Variants in USP48 observed in about 807,000 individuals in gnomAD.
The protein encoded by USP48 is ubiquitin carboxyl-terminal hydrolase 48.
A neutral mutation model predicts 150.7 loss-of-function variants in USP48; 43 were observed. That is an observed-to-expected ratio of 0.29 (90% CI 0.22 to 0.37). The LOEUF (loss-of-function observed/expected upper bound fraction) is 0.37, where lower values mean the gene tolerates loss of function less well. USP48 is among the 10% of genes least tolerant of loss of function. USP48 has a pLI of 1.00. For missense variants in USP48, 813 were observed against 1,249.6 expected (o/e 0.65, Z 5.27); for synonymous variants, 396 against 425.9 (o/e 0.93, Z 0.86).
At chr1:21,684,848 G>A (rs1211247762) in intron 25 of USP48, among the ~76,000 whole-genome samples, 1 of 152,036 alleles carries the variant, frequency 6.6e-6, no homozygotes, top group Admixed American at 6.6e-5. Flanking sequence ...TAAATTAGTT[G>A]GCTGTAAATA....
intron 15 of USP48, among the ~76,000 whole-genome samples, chr1:21,712,716 C>T (rs1339107025): frequency 5.9e-5 from 9 of 151,404 alleles, no homozygotes; most frequent in Admixed American, 4.0e-4. Context: ...GCAACCTCCG[C>T]CTCCTGGGTT....
intron 20 of USP48, 37 bp downstream of exon 20, chr1:21,704,225 C>A (rs200215314): frequency 1.9e-6 from 3 of 1,595,922 alleles, no homozygotes; most frequent in Non-Finnish European, 2.6e-6. Flanking sequence ...AATGTCAGCT[C>A]TTAACTATAG....
Position 21,752,980 on chromosome 1 carries a change from T to A in USP48, c.540+12A>T. On this transcript the variant is annotated intron_variant, in intron 4 of 26. Transcript: ENST00000308271. ...CTGAATATTTAAAAAAAAAAAAAAA[T>A]TCAGTTCTTACCTGCTGTTGTCCAG... The A allele has an allele frequency of 1.3e-6, 2 of 1,569,972 alleles. No individual in the cohort carries two copies. Among genetic ancestry groups the A allele is most frequent in the Admixed American group, 2.1e-5 (1 of 47,180 alleles).
chr1:21,690,830 A>C (rs1473229748), intron 23 of USP48, among the ~76,000 whole-genome samples: 3 of 152,154 alleles, frequency 2.0e-5, no homozygotes, highest in South Asian at 4.1e-4. Context: ...CATCTGGCCC[A>C]AAATTCTTTC....
In USP48 at chr1:21,701,180, C is replaced by A. The variant is rs113470313; in HGVS notation, c.2727+318G>T. Among the ~76,000 whole-genome samples, 807 of 150,592 alleles carry A rather than the reference C, an allele frequency of 5.4e-3. 6 individuals carry two copies. The highest frequency in any genetic ancestry group is 0.019 in the African/African-American group (774 of 40,978). Reference sequence around the variant, plus strand: ...AGGAGTTCGAGACCAGCCTGGCCAACACAGTGAAACCCCGTCTCTACTAAA... The same window carrying A: ...AGGAGTTCGAGACCAGCCTGGCCAAAACAGTGAAACCCCGTCTCTACTAAA... On this transcript the variant is annotated intron_variant, in intron 22 of 26. Coordinates refer to ENST00000308271, the MANE Select transcript of USP48 (RefSeq NM_032236.8).
At chr1:21,704,202 C>A in intron 20 of USP48, 60 bp downstream of exon 20, 1 of 1,569,806 alleles carries the variant, frequency 6.4e-7, no homozygotes. Flanking sequence ...ACTGACACAC[C>A]CTTTCTTCTT....
intron 25 of USP48, chr1:21,681,095 C>T (rs1404786687): frequency 2.6e-5 from 9 of 350,478 alleles, no homozygotes; most frequent in South Asian, 1.6e-4. Context: ...ACCTAGTGCA[C>T]GACTCTAGGA....
At chr1:21,699,970 G>A (rs550770950) in intron 22 of USP48, among the ~76,000 whole-genome samples, 64 of 149,216 alleles carry the variant, frequency 4.3e-4, no homozygotes, top group African/African-American at 1.5e-3. Context: ...GGTAAAGGGC[G>A]GCAGCAAAGT....
chr1:21,719,434 A>T (rs192179505), intron 14 of USP48, among the ~76,000 whole-genome samples: 29 of 152,160 alleles, frequency 1.9e-4, no homozygotes, highest in African/African-American at 6.5e-4. Flanking sequence ...ATCAATACCA[A>T]ATAAAATAAA....
At chr1:21,754,228 G>A (rs1440208702) in intron 3 of USP48, among the ~76,000 whole-genome samples, 1 of 152,018 alleles carries the variant, frequency 6.6e-6, no homozygotes, top group Non-Finnish European at 1.5e-5. Context: ...AGCCAGGACT[G>A]TCCATATACA....
At chr1:21,726,026 T>C (rs918344707) in intron 11 of USP48, among the ~76,000 whole-genome samples, 1 of 152,102 alleles carries the variant, frequency 6.6e-6, no homozygotes, top group African/African-American at 2.4e-5. Flanking sequence ...ATATGAAGGC[T>C]ATCAAAGGAG....
intron 19 of USP48, chr1:21,704,619 C>T (rs1410147197): frequency 1.5e-5 from 6 of 412,490 alleles, no homozygotes; most frequent in Non-Finnish European, 2.5e-5. Context: ...ATGGTTAGAT[C>T]TCAAAAACAT....
At chr1:21,692,218 G>A (rs1248805423) in intron 23 of USP48, among the ~76,000 whole-genome samples, 2 of 152,122 alleles carry the variant, frequency 1.3e-5, no homozygotes, top group Admixed American at 6.5e-5. Context: ...GAGATCTGTG[G>A]CTAGCAATGA....
intron 1 of USP48, among the ~76,000 whole-genome samples, chr1:21,776,614 AAAAAG>A (rs2097899365): frequency 6.6e-6 from 1 of 150,376 alleles, no homozygotes; most frequent in Admixed American, 6.6e-5. Flanking sequence ...AAAAAAAAAA[AAAAAG>A]AAGAAAGTGA....
At chr1:21,688,989 T>C (rs372060352) in intron 24 of USP48, among the ~76,000 whole-genome samples, 4 of 152,086 alleles carry the variant, frequency 2.6e-5, no homozygotes, top group African/African-American at 4.8e-5. Context: ...GTTTCCTAGC[T>C]TGGCTGGCTA....
At position 21,687,173 on chromosome 1, in the gene USP48, A is replaced by G. The variant is rs2097582444; in HGVS notation, c.3058+18T>C. The G allele has an allele frequency of 6.2e-7, 1 of 1,610,924 alleles. No individual in the cohort carries two copies. Among genetic ancestry groups the G allele is most frequent in the African/African-American group, 1.3e-5 (1 of 74,864 alleles). On this transcript the variant is annotated intron_variant, in intron 25 of 26. Transcript: ENST00000308271. ...CTAAAACCTAATCAGCAGATTCCTA[A>G]AACAAATTCATCTTTACCTTGCATG... is the stretch of plus-strand genomic sequence containing the variant.
chr1:21,774,180 A>AAATAAC, intron 1 of USP48, among the ~76,000 whole-genome samples: 1 of 141,194 alleles, frequency 7.1e-6, no homozygotes, highest in African/African-American at 2.7e-5. Context: ...CTCCGTCTCA[A>AAATAAC]AATAATAATA....
chr1:21,747,740 T>A (rs908461041), intron 7 of USP48, among the ~76,000 whole-genome samples: 1 of 152,046 alleles, frequency 6.6e-6, no homozygotes, highest in Non-Finnish European at 1.5e-5. Context: ...GCCCGGCTAA[T>A]TTTTGTATTT....
At chr1:21,752,347 T>C (rs982235316) in intron 5 of USP48, among the ~76,000 whole-genome samples, 180 bp downstream of exon 5, 7 of 152,186 alleles carry the variant, frequency 4.6e-5, no homozygotes, top group African/African-American at 1.4e-4. Flanking sequence ...CCTGGATGGG[T>C]GCAACTGCAA....
Sources: gnomAD v4.1 joint callset for allele counts (sites outside exome capture counted in the v4.1 genomes callset) on GRCh38, gnomAD v4.1.1 for gene constraint, MANE v1.5 for transcripts, NCBI Gene and HGNC (gene_info 2026-07-23, HGNC 2026-07-21) for gene names.